The following TCF7L2 variants were observed in gnomAD, a reference collection of about 807,000 sequenced individuals.
TCF7L2 encodes the protein transcription factor 7-like 2.
Under a neutral mutation model 77.9 loss-of-function variants are expected in TCF7L2, and 23 were observed. The observed-to-expected ratio is 0.30, with a 90% confidence interval of 0.21 to 0.42. The LOEUF (loss-of-function observed/expected upper bound fraction) is 0.42. TCF7L2 is among the 10% of genes least tolerant of loss of function. The pLI is 1.00. For synonymous variants in TCF7L2, 413 were observed against 340.2 expected, an observed-to-expected ratio of 1.21 and a Z score of -2.36; for missense variants, 654 against 793.1, an observed-to-expected ratio of 0.82 and a Z score of 2.11.
chr10:113,126,803 C>T (rs2065697728), intron 5 of TCF7L2: 35 of 986,136 alleles, frequency 3.5e-5, no homozygotes, highest in Non-Finnish European at 4.1e-5. Flanking sequence ...CCGGCGCGGG[C>T]CCTGGGCAGC....
rs189680291 is a variant in TCF7L2 at position 112,964,633 on chromosome 10, C to T, written c.450+9C>T. On this transcript the variant is annotated intron_variant, in intron 4 of 13. Coordinates refer to ENST00000627217, the MANE Select transcript of TCF7L2 (RefSeq NM_001146274.2). ...ACCAGATTGCAGTTCAGGTAGGAAA[C>T]GCAAGAGATTCTGAAGCTTGAATTG... 337 of 1,611,290 alleles carry T rather than the reference C, an allele frequency of 2.1e-4. No individual in the cohort carries two copies. In the African/African-American group the frequency reaches 3.7e-3, roughly 18 times the overall value.
chr10:113,010,641 C>T (rs1281216519), intron 4 of TCF7L2, among the ~76,000 whole-genome samples: 2 of 152,188 alleles, frequency 1.3e-5, no homozygotes, highest in African/African-American at 4.8e-5. Context: ...ATCAGGGGGA[C>T]TGTGATTGCT....
intron 3 of TCF7L2, among the ~76,000 whole-genome samples, chr10:112,961,798 T>A (rs1450887228): frequency 7.3e-6 from 1 of 136,190 alleles, no homozygotes; most frequent in Non-Finnish European, 1.5e-5. Flanking sequence ...GTTTTCTGTG[T>A]CGCTGGGCAC....
At chr10:112,999,729 G>A (rs926772326) in intron 4 of TCF7L2, among the ~76,000 whole-genome samples, 1 of 152,202 alleles carries the variant, frequency 6.6e-6, no homozygotes, top group East Asian at 1.9e-4. Context: ...TGGCTGTTGA[G>A]TATAAACCTC....
At chr10:113,048,637 C>T (rs1002628743) in intron 5 of TCF7L2, among the ~76,000 whole-genome samples, 3 of 152,198 alleles carry the variant, frequency 2.0e-5, no homozygotes, top group African/African-American at 7.2e-5. Context: ...ACTTGCTAAT[C>T]CAACCTTATA....
intron 4 of TCF7L2, among the ~76,000 whole-genome samples, chr10:113,011,864 T>G (rs1331650565): frequency 1.3e-5 from 2 of 152,102 alleles, no homozygotes; most frequent in South Asian, 4.2e-4. Context: ...TGTTCTTGAG[T>G]ATTGCTACCT....
At position 113,143,925 on chromosome 10, in the gene TCF7L2, A is replaced by G. The variant is rs2136928797; in HGVS notation, c.688A>G (p.Ile230Val). The change falls in exon 7 of 14, where the codon ATC (isoleucine) becomes GTC (valine). Residue 230 changes from isoleucine (I) to valine (V), a missense_variant and splice_region_variant. Physicochemically the swap from Ile to Val is conservative, Grantham distance 29 (BLOSUM62 3). This residue lies in a region of TCF7L2 where 179 missense variants were observed against 270.6 expected (regional missense o/e 0.66). Transcript: ENST00000627217. ...TAAAATGCTGCTTCTTCCCTCAGGA[A>G]TCCCACGGCCTCCGCACCCTCCAGA... 1 of 1,612,132 alleles carries G rather than the reference A, an allele frequency of 6.2e-7. No individual in the cohort carries two copies. Among genetic ancestry groups the G allele is most frequent in the South Asian group, 1.1e-5 (1 of 90,802 alleles).
chr10:113,005,873 C>T (rs1273526184), intron 4 of TCF7L2, among the ~76,000 whole-genome samples: 1 of 152,124 alleles, frequency 6.6e-6, no homozygotes, highest in African/African-American at 2.4e-5. Flanking sequence ...TTTCTTTGAA[C>T]TGTCTGGGCC....
Position 112,950,626 on chromosome 10 carries a change from A to G in TCF7L2, c.-131A>G. On this transcript the variant is annotated 5_prime_UTR_variant, in exon 1 of 14. Coordinates refer to ENST00000627217, the MANE Select transcript of TCF7L2 (RefSeq NM_001146274.2). ...GAGAAAAAGACCCCCAAGCAGAAAA[A>G]AGTTCACCTTGGACTCGTCTTTTTC... 9.4e-7 allele frequency: 1 copy of G among 1,068,668 alleles called. No homozygotes were observed. The highest frequency in any genetic ancestry group is 1.7e-5 in the South Asian group (1 of 58,854). The allele number at this position is 1,068,668 out of a possible 1,614,324, so 66.2% of individuals were successfully genotyped here. A position where few individuals can be genotyped will look rare whatever the true frequency, so the allele number is the denominator to read the frequency against.
intron 4 of TCF7L2, among the ~76,000 whole-genome samples, chr10:113,009,798 C>T (rs2046156719): frequency 6.6e-6 from 1 of 152,182 alleles, no homozygotes; most frequent in Non-Finnish European, 1.5e-5. Context: ...CAGAGCCTTT[C>T]ATACATTGAA....
intron 5 of TCF7L2, among the ~76,000 whole-genome samples, chr10:113,125,255 AG>A (rs1387860292): frequency 6.7e-6 from 1 of 149,304 alleles, no homozygotes; most frequent in East Asian, 1.9e-4. Context: ...AAAAAAAAAA[AG>A]TCGTCTTTTT....
intron 5 of TCF7L2, among the ~76,000 whole-genome samples, chr10:113,073,884 G>A (rs1347505960): frequency 1.3e-5 from 2 of 152,182 alleles, no homozygotes; most frequent in African/African-American, 2.4e-5. Context: ...CTGGCGCAGC[G>A]TCCAGAAAAC....
chr10:113,094,780 T>G (rs1220587195), intron 5 of TCF7L2, among the ~76,000 whole-genome samples: 1 of 152,230 alleles, frequency 6.6e-6, no homozygotes, highest in Non-Finnish European at 1.5e-5. Context: ...CTCCTGTCCC[T>G]TAATATGCTT....
chr10:113,091,341 T>C (rs1375508295), intron 5 of TCF7L2, among the ~76,000 whole-genome samples: 1 of 152,248 alleles, frequency 6.6e-6, no homozygotes, highest in Non-Finnish European at 1.5e-5. Context: ...GGAACACTTT[T>C]TGACACTATA....
At chr10:113,120,356 A>G (rs1036735685) in intron 5 of TCF7L2, among the ~76,000 whole-genome samples, 1 of 152,212 alleles carries the variant, frequency 6.6e-6, no homozygotes, top group African/African-American at 2.4e-5. Flanking sequence ...GAGCAACCAC[A>G]TCAACTTTCT....
chr10:112,958,046 C>T (rs1311703727), intron 3 of TCF7L2, among the ~76,000 whole-genome samples: 1 of 152,124 alleles, frequency 6.6e-6, no homozygotes, highest in Non-Finnish European at 1.5e-5. Context: ...ACTTACTAGC[C>T]CTCAGGGATA....
Position 113,073,104 on chromosome 10 carries a change from G to A in TCF7L2, c.552+32978G>A, listed in dbSNP as rs1194501070. Reference sequence around the variant, plus strand: ...TACCTAGGGCAGGGCCAGGTCGTGTGTGTGTGTGTGTGTGTGTGTGTGTGT... The same window carrying A: ...TACCTAGGGCAGGGCCAGGTCGTGTATGTGTGTGTGTGTGTGTGTGTGTGT... On this transcript the variant is annotated intron_variant, in intron 5 of 13. Coordinates refer to ENST00000627217, the MANE Select transcript of TCF7L2 (RefSeq NM_001146274.2). Among the ~76,000 whole-genome samples, 4 of 77,780 alleles carry A rather than the reference G, an allele frequency of 5.1e-5. No homozygotes were observed. In the South Asian group the frequency reaches 3.7e-3, roughly 71 times the overall value. 51.0% of individuals were successfully genotyped at this position (77,780 alleles called of 152,430 possible).
At chr10:113,075,866 C>A (rs1686510252) in intron 5 of TCF7L2, among the ~76,000 whole-genome samples, 2 of 152,056 alleles carry the variant, frequency 1.3e-5, no homozygotes, top group South Asian at 4.1e-4. Flanking sequence ...CAGGATCTTA[C>A]AGCCGGGGCC....
intron 5 of TCF7L2, among the ~76,000 whole-genome samples, chr10:113,053,452 G>A (rs138242617): frequency 1.1e-4 from 17 of 152,320 alleles, no homozygotes; most frequent in African/African-American, 4.1e-4. Flanking sequence ...CCAGAGGTCA[G>A]AACAGAAGCT....
Sources: allele counts gnomAD v4.1 joint callset (sites outside exome capture counted in the v4.1 genomes callset), GRCh38; gene constraint gnomAD v4.1.1; regional missense constraint gnomAD v4.1.1; transcripts MANE v1.5; gene names NCBI Gene and HGNC (gene_info 2026-07-23, HGNC 2026-07-21).